The following STAM2 variants were observed in gnomAD, a reference collection of about 807,000 sequenced individuals.
STAM2 encodes the protein signal transducing adaptor molecule 2.
In STAM2, 51 loss-of-function variants were observed where a neutral mutation model predicts 65.6. The observed-to-expected ratio is 0.78, with a 90% confidence interval of 0.62 to 0.98. The LOEUF (loss-of-function observed/expected upper bound fraction) is 0.98. Ranked by LOEUF, STAM2 falls within the 50% of genes least tolerant of loss-of-function variation. The pLI is 0.00. For synonymous variants in STAM2, 198 were observed against 208.4 expected, an observed-to-expected ratio of 0.95 and a Z score of 0.43; for missense variants, 584 against 617.8, an observed-to-expected ratio of 0.95 and a Z score of 0.58.
chr2:152,147,889 C>A (rs1689364436), intron 4 of STAM2, 135 bp downstream of exon 4: 2 of 704,506 alleles, frequency 2.8e-6, no homozygotes, highest in Middle Eastern at 4.1e-4. Context: ...AATCAAATTT[C>A]AGAACAGTTT....
intron 1 of STAM2, among the ~76,000 whole-genome samples, chr2:152,173,385 TA>T (rs1560227676): frequency 3.4e-5 from 5 of 147,546 alleles, no homozygotes; most frequent in East Asian, 3.9e-4. Flanking sequence ...TATATATATA[TA>T]TGTATACATA....
intron 1 of STAM2, among the ~76,000 whole-genome samples, chr2:152,163,202 A>G (rs1285570412): frequency 1.3e-5 from 2 of 152,252 alleles, no homozygotes; most frequent in Non-Finnish European, 2.9e-5. Flanking sequence ...CTGGAGCCGT[A>G]GCAGAGGAAC....
chr2:152,144,182 T>A (rs937737786), intron 6 of STAM2, among the ~76,000 whole-genome samples, 169 bp from the exon 7 acceptor site: 7 of 152,172 alleles, frequency 4.6e-5, no homozygotes, highest in Non-Finnish European at 1.0e-4. Flanking sequence ...ATGACATTTT[T>A]AAAATAAAGT....
intron 11 of STAM2, among the ~76,000 whole-genome samples, chr2:152,126,727 T>G (rs915166216): frequency 1.3e-5 from 2 of 152,136 alleles, no homozygotes; most frequent in Non-Finnish European, 1.5e-5. Context: ...CCACGTTTTC[T>G]GTGCAGCAGA....
intron 1 of STAM2, among the ~76,000 whole-genome samples, chr2:152,160,258 G>A (rs185434642): frequency 2.0e-5 from 3 of 150,226 alleles, no homozygotes; most frequent in African/African-American, 7.4e-5. Context: ...GTCTCTGCCC[G>A]GCCGCCATCC....
chr2:152,156,565 AT>A (rs1689558760), intron 1 of STAM2, among the ~76,000 whole-genome samples: 2 of 152,164 alleles, frequency 1.3e-5, no homozygotes, highest in South Asian at 4.1e-4. Context: ...AAGTCATAAC[AT>A]TTCATCACCA....
At chr2:152,143,179 C>T (rs544236104) in intron 7 of STAM2, among the ~76,000 whole-genome samples, 3 of 151,952 alleles carry the variant, frequency 2.0e-5, no homozygotes, top group Admixed American at 2.0e-4. Context: ...ATTTATCTAC[C>T]CTTTATTTAA....
At position 152,119,166 on chromosome 2, in the gene STAM2, TC is replaced by T. The variant is rs1268618417; in HGVS notation, c.*1407del. On this transcript the variant is annotated 3_prime_UTR_variant, in exon 14 of 14. Transcript: ENST00000263904. The stretch of plus-strand genomic sequence containing the variant: ...TTGTTTTTCCCAATCTGAATATGTT[TC>T]CATACATGTATGTATTTGCAATTTC... The T allele has an allele frequency of 6.6e-6, 1 of 152,220 alleles. No individual in the cohort carries two copies. The highest frequency in any genetic ancestry group is 2.4e-5 in the African/African-American group (1 of 41,466). The allele number at this position is 152,220 out of a possible 1,614,324, so 9.4% of individuals were successfully genotyped here. A position where few individuals can be genotyped will look rare whatever the true frequency, so the allele number is the denominator to read the frequency against.
Position 152,148,274 on chromosome 2 carries a change from AT to A in STAM2, c.151del (p.Met51Ter). On this transcript the variant is annotated frameshift_variant, in exon 3 of 14. Transcript: ENST00000263904. LOFTEE classifies it high-confidence loss of function. Reference protein sequence around the residue: ...NGAKDCLKAIMKRVNHKVPHV... With the variant: ...NGAKDCLKAIXKRVNHKVPHV... ...TGGAACCTTATGATTTACCCTTTTCATTATGGCTTTTAGGCAATCTTTCGCT... is the reference window on the plus strand; with the variant it reads ...TGGAACCTTATGATTTACCCTTTTCATATGGCTTTTAGGCAATCTTTCGCT... 1 of 1,611,420 alleles carries A rather than the reference AT, an allele frequency of 6.2e-7. No individual in the cohort carries two copies. The highest frequency in any genetic ancestry group is 1.1e-5 in the South Asian group (1 of 90,320).
intron 1 of STAM2, among the ~76,000 whole-genome samples, chr2:152,165,674 T>G (rs2105566858): frequency 6.6e-6 from 1 of 152,268 alleles, no homozygotes; most frequent in East Asian, 1.9e-4. Flanking sequence ...CTTACTAGCT[T>G]ATAAGCTTTG....
At chr2:152,151,774 C>T (rs1689450935) in intron 1 of STAM2, among the ~76,000 whole-genome samples, 1 of 152,208 alleles carries the variant, frequency 6.6e-6, no homozygotes, top group Non-Finnish European at 1.5e-5. Context: ...AATATATGTT[C>T]TTTTCTGACT....
chr2:152,164,341 CTTTTTT>C (rs1195012082), intron 1 of STAM2, among the ~76,000 whole-genome samples: 1 of 141,836 alleles, frequency 7.1e-6, no homozygotes. Context: ...CCATGATTAA[CTTTTTT>C]TTTTTTTTTT....
rs756263057 is a variant in STAM2 at position 152,135,569 on chromosome 2, C to T, written c.739G>A (p.Gly247Arg). The T allele has an allele frequency of 3.1e-6, 5 of 1,612,270 alleles. No individual in the cohort carries two copies. The African/African-American group carries it at 5.3e-5, about 17-fold the overall frequency. Residue 247 changes from glycine (G) to arginine (R), a missense_variant, in exon 8 of 14, where the codon GGA (glycine) becomes AGA (arginine). By Grantham distance (125) the Gly-to-Arg change is moderately radical. Transcript: ENST00000263904. ...ANWWKGENHRGIGLFPSNFVT... is the reference protein window; with the variant it reads ...ANWWKGENHRRIGLFPSNFVT... ...AAATTGGATGGGAAAAGTCCTATTCCTCTGTGATTTTCTCCTTTCCACCAA... is the reference window on the plus strand; with the variant it reads ...AAATTGGATGGGAAAAGTCCTATTCTTCTGTGATTTTCTCCTTTCCACCAA...
intron 8 of STAM2, among the ~76,000 whole-genome samples, chr2:152,134,483 C>T (rs1689117069): frequency 6.6e-6 from 1 of 152,118 alleles, no homozygotes; most frequent in Non-Finnish European, 1.5e-5. Context: ...CAACCTCTCA[C>T]GACTTCATTT....
intron 1 of STAM2, among the ~76,000 whole-genome samples, chr2:152,153,885 T>TACACACACAC (rs70974824): frequency 0.018 from 2,596 of 144,898 alleles, 33 homozygotes; most frequent in Middle Eastern, 0.028. Flanking sequence ...AGACATTACA[T>TACACACACAC]ACACACACAC....
At chr2:152,139,258 C>CA (rs1689204803) in intron 7 of STAM2, among the ~76,000 whole-genome samples, 1 of 151,934 alleles carries the variant, frequency 6.6e-6, no homozygotes, top group African/African-American at 2.4e-5. Context: ...GAGTGAAAAA[C>CA]AAAAAATGAT....
chr2:152,119,158 AAT>A lies in STAM2; in HGVS notation c.*1414_*1415del, dbSNP rs1212005087. Reference sequence around the variant, plus strand: ...AATGTCCATTGTTTTTCCCAATCTGAATATGTTTCCATACATGTATGTATTTG... The same window carrying A: ...AATGTCCATTGTTTTTCCCAATCTGAATGTTTCCATACATGTATGTATTTG... On this transcript the variant is annotated 3_prime_UTR_variant, in exon 14 of 14. Coordinates refer to ENST00000263904, the MANE Select transcript of STAM2 (RefSeq NM_005843.6). The A allele has an allele frequency of 1.3e-5, 2 of 152,144 alleles. No individual in the cohort carries two copies. The highest frequency in any genetic ancestry group is 2.9e-5 in the Non-Finnish European group (2 of 67,996). The allele number at this position is 152,144 out of a possible 1,614,324, so 9.4% of individuals were successfully genotyped here. A position where few individuals can be genotyped will look rare whatever the true frequency, so the allele number is the denominator to read the frequency against.
intron 1 of STAM2, among the ~76,000 whole-genome samples, chr2:152,157,650 T>C (rs922585578): frequency 6.6e-6 from 1 of 152,234 alleles, no homozygotes; most frequent in African/African-American, 2.4e-5. Context: ...AAATTTCTGT[T>C]GCATAAGCTA....
rs1171461109 is a variant in STAM2 at position 152,160,772 on chromosome 2, C to T, written c.41-10543G>A. Reference sequence around the variant, plus strand: ...GGTGCCTCTGCCCGGCCGCCCCTACCGGGAAGTGAGGAGCCCCTCTGCCCG... The same window carrying T: ...GGTGCCTCTGCCCGGCCGCCCCTACTGGGAAGTGAGGAGCCCCTCTGCCCG... On this transcript the variant is annotated intron_variant, in intron 1 of 13. Transcript: ENST00000263904. 1.1e-3 allele frequency among the ~76,000 whole-genome samples: 153 copies of T among 134,236 alleles called. 4 individuals are homozygous for T. Among genetic ancestry groups the T allele is most frequent in the Non-Finnish European group, 1.3e-3 (78 of 62,118 alleles). The allele number at this position is 134,236 out of a possible 152,430, so 88.1% of individuals were successfully genotyped here.
Sources: gnomAD v4.1 joint callset for allele counts (sites outside exome capture counted in the v4.1 genomes callset) on GRCh38, gnomAD v4.1.1 for gene constraint, MANE v1.5 for transcripts, NCBI Gene and HGNC (gene_info 2026-07-23, HGNC 2026-07-21) for gene names.